SKIC3: variants seen among roughly 807,000 people sequenced by gnomAD.
SKIC3 encodes SKI3 subunit of superkiller complex.
chr5:95,502,826 A>G, the SKIC3 span: 1 of 1,604,954 alleles, frequency 6.2e-7, no homozygotes, highest in South Asian at 1.1e-5. Context: ...CCAATTCTCA[A>G]CCCAAATATC....
At chr5:95,537,650 C>T in the SKIC3 span, among the ~76,000 whole-genome samples, 1 of 152,198 alleles carries the variant, frequency 6.6e-6, no homozygotes, top group Non-Finnish European at 1.5e-5. Context: ...TATTAGCTGA[C>T]TCTGAAGAAC....
the SKIC3 span, among the ~76,000 whole-genome samples, chr5:95,545,927 T>A: frequency 8.5e-5 from 13 of 152,184 alleles, no homozygotes; most frequent in African/African-American, 3.1e-4. Flanking sequence ...TCCAGCACAG[T>A]ACTATTCTGC....
At chr5:95,541,296 T>G in the SKIC3 span, 2 of 1,613,368 alleles carry the variant, frequency 1.2e-6, no homozygotes, top group Non-Finnish European at 1.7e-6. Flanking sequence ...CAGAAAATCA[T>G]TCACCAACCT....
At chr5:95,469,973 A>G in the SKIC3 span, 1 of 1,546,972 alleles carries the variant, frequency 6.5e-7, no homozygotes, top group South Asian at 1.1e-5. Flanking sequence ...AAAGTATTCA[A>G]TTCAATTCTT....
At chr5:95,494,588 A>T in the SKIC3 span, 1 of 1,282,308 alleles carries the variant, frequency 7.8e-7, no homozygotes, top group East Asian at 2.3e-5. Context: ...ATGCCAATAA[A>T]ATATATATTG....
At chr5:95,504,071 G>C in the SKIC3 span, 2 of 274,786 alleles carry the variant, frequency 7.3e-6, no homozygotes, top group South Asian at 4.4e-5. Context: ...CACTTTGGGA[G>C]GCCCAGGCGG....
the SKIC3 span, among the ~76,000 whole-genome samples, chr5:95,535,307 A>ATTTTTTTTTTTTTTTTTTTTTTTTTTT: frequency 4.4e-5 from 4 of 91,808 alleles, no homozygotes; most frequent in Non-Finnish European, 8.4e-5. Flanking sequence ...GGTAACAGCA[A>ATTTTTTTTTTTTTTTTTTTTTTTTTTT]TTTTTTTTTT....
At chr5:95,471,928 G>A in the SKIC3 span, among the ~76,000 whole-genome samples, 38 of 152,256 alleles carry the variant, frequency 2.5e-4, no homozygotes, top group South Asian at 7.1e-3. Context: ...GAAAAATTAC[G>A]AAGAGTTTCA....
chr5:95,493,440 G>C, the SKIC3 span, among the ~76,000 whole-genome samples: 1,762 of 152,154 alleles, frequency 0.012, 19 homozygotes, highest in Middle Eastern at 0.02. Context: ...TATCATTCTG[G>C]ATCCATGATA....
chr5:95,530,906 C>T, the SKIC3 span, among the ~76,000 whole-genome samples: 1 of 151,670 alleles, frequency 6.6e-6, no homozygotes, highest in Non-Finnish European at 1.5e-5. Context: ...AATCTCAATC[C>T]CACAAAAGCA....
chr5:95,520,063 GAAGA>G, the SKIC3 span, among the ~76,000 whole-genome samples: 17 of 152,042 alleles, frequency 1.1e-4, no homozygotes, highest in East Asian at 9.7e-4. Flanking sequence ...AGGGGAAGTA[GAAGA>G]AAGATGTTTA....
chr5:95,507,040 T>C, the SKIC3 span: 2 of 1,590,880 alleles, frequency 1.3e-6, no homozygotes, highest in Non-Finnish European at 1.7e-6. Context: ...TTTTAATTTA[T>C]CTCTGTGCAA....
chr5:95,516,328 T>C, the SKIC3 span: 1 of 1,612,222 alleles, frequency 6.2e-7, no homozygotes, highest in Non-Finnish European at 8.5e-7. Flanking sequence ...TTGTTTTAAA[T>C]ATGACAGACA....
the SKIC3 span, among the ~76,000 whole-genome samples, chr5:95,542,317 T>C: frequency 6.6e-6 from 1 of 152,160 alleles, no homozygotes; most frequent in Non-Finnish European, 1.5e-5. Context: ...AATTGTATGT[T>C]TTTAAGGTGT....
chr5:95,522,226 GCCT>G, the SKIC3 span: 1 of 1,613,830 alleles, frequency 6.2e-7, no homozygotes, highest in Non-Finnish European at 8.5e-7. Context: ...CTGTTGTGTA[GCCT>G]CCTCTGCTTA....
At chr5:95,552,532 G>C in the SKIC3 span, among the ~76,000 whole-genome samples, 5 of 152,078 alleles carry the variant, frequency 3.3e-5, no homozygotes, top group Admixed American at 6.6e-5. Flanking sequence ...AAAAATGAGT[G>C]ACTGAGGGAA....
the SKIC3 span, chr5:95,523,181 A>T: frequency 6.2e-7 from 1 of 1,613,452 alleles, no homozygotes; most frequent in Non-Finnish European, 8.5e-7. Context: ...AACATAGTTT[A>T]AATACAATAA....
the SKIC3 span, among the ~76,000 whole-genome samples, chr5:95,464,935 T>TTTTTTTA: frequency 1.2e-3 from 183 of 147,092 alleles, 4 homozygotes; most frequent in African/African-American, 4.6e-3. Flanking sequence ...TTTTTTTTTT[T>TTTTTTTA]TTTTTTTTGG....
chr5:95,486,635 G>C, the SKIC3 span, among the ~76,000 whole-genome samples: 2 of 152,174 alleles, frequency 1.3e-5, no homozygotes, highest in Admixed American at 6.5e-5. Flanking sequence ...ATACCCTCCT[G>C]GGGCCTCGGG....
Sources: gnomAD v4.1 joint callset for allele counts (sites outside exome capture counted in the v4.1 genomes callset) on GRCh38, gnomAD v4.1.1 for gene constraint, MANE v1.5 for transcripts, NCBI Gene and HGNC (gene_info 2026-07-23, HGNC 2026-07-21) for gene names.